The following VAV2 variants were observed in gnomAD, a reference collection of about 807,000 sequenced individuals.
The protein encoded by VAV2 is guanine nucleotide exchange factor VAV2.
Under a neutral mutation model 132.5 loss-of-function variants are expected in VAV2, and 67 were observed. That is an observed-to-expected ratio of 0.51 (90% CI 0.42 to 0.62). The LOEUF is 0.62. VAV2 is among the 20% of genes least tolerant of loss of function. The pLI is 0.00. For missense variants in VAV2, 938 were observed against 1,153.6 expected (o/e 0.81, Z 2.71); for synonymous variants, 492 against 443.5 (o/e 1.11, Z -1.37).
chr9:133,777,964 C>G (rs528679950), intron 22 of VAV2, among the ~76,000 whole-genome samples: 1 of 152,134 alleles, frequency 6.6e-6, no homozygotes, highest in African/African-American at 2.4e-5. Flanking sequence ...TAAGTGCCCT[C>G]GAGGCCCCGT....
chr9:133,933,686 T>TGATG (rs1361044805), intron 2 of VAV2, among the ~76,000 whole-genome samples: 4 of 9,096 alleles, frequency 4.4e-4, no homozygotes, highest in Admixed American at 3.5e-3. Context: ...GATAGATGAA[T>TGATG]GATGGATGGA....
intron 1 of VAV2, among the ~76,000 whole-genome samples, chr9:133,985,266 GTGTGTGTGTTTTGTTTTTGT>G (rs1842822573): frequency 7.0e-6 from 1 of 142,766 alleles, no homozygotes; most frequent in Non-Finnish European, 1.5e-5. Context: ...GTGTGTGTGT[GTGTGTGTGTTTTGTTTTTGT>G]TTTTGTTTTT....
At chr9:133,938,254 C>T (rs1016798394) in intron 2 of VAV2, among the ~76,000 whole-genome samples, 1 of 152,266 alleles carries the variant, frequency 6.6e-6, no homozygotes, top group African/African-American at 2.4e-5. Flanking sequence ...AGCCCAACAG[C>T]AGGCGGGGGC....
intron 2 of VAV2, among the ~76,000 whole-genome samples, chr9:133,875,684 G>A (rs369178211): frequency 2.0e-5 from 3 of 152,326 alleles, no homozygotes; most frequent in East Asian, 3.9e-4. Context: ...AAACACCGCA[G>A]GAACACACGC....
intron 2 of VAV2, among the ~76,000 whole-genome samples, chr9:133,895,751 A>T (rs1839173796): frequency 6.6e-6 from 1 of 151,908 alleles, no homozygotes; most frequent in African/African-American, 2.4e-5. Context: ...TACACTGAAA[A>T]CCCCTGCACT....
intron 10 of VAV2, among the ~76,000 whole-genome samples, chr9:133,796,781 G>A (rs1321636196): frequency 3.3e-5 from 5 of 152,232 alleles, no homozygotes; most frequent in South Asian, 4.1e-4. Context: ...GCGATGCTAC[G>A]GAAACCCTCT....
rs1835054088 is a variant in VAV2 at position 133,804,359 on chromosome 9, T to C, written c.836+1722A>G. On this transcript the variant is annotated intron_variant, in intron 9 of 29. Coordinates refer to ENST00000371850, the MANE Select transcript of VAV2 (RefSeq NM_001134398.2). This position sits in a 1 kb window ranked among gnomAD's most constrained non-coding sequence, Gnocchi z 4.5. ...GGACGGAGCTGCCCGTCCACAGAGC[T>C]CTTGGGCTGGGCCTGTGACTGGACG... Among the ~76,000 whole-genome samples, 2 of 152,110 alleles carry C rather than the reference T, an allele frequency of 1.3e-5. No individual in the cohort carries two copies. The highest frequency in any genetic ancestry group is 4.1e-4 in the South Asian group (2 of 4,826).
intron 1 of VAV2, among the ~76,000 whole-genome samples, chr9:133,948,705 C>T (rs530821571): frequency 1.4e-4 from 22 of 152,378 alleles, no homozygotes; most frequent in Non-Finnish European, 2.6e-4. Context: ...GCTAAAACAA[C>T]GTCCGGTGGC....
Position 133,860,256 on chromosome 9 carries a change from C to T in VAV2, c.380+1118G>A, listed in dbSNP as rs12553323. Among the ~76,000 whole-genome samples the T allele has an allele frequency of 8.3e-3, 1,253 of 151,476 alleles. 36 individuals are homozygous for T. Among genetic ancestry groups the T allele is most frequent in the Admixed American group, 0.053 (804 of 15,230 alleles). ...GACGGAGGTTGCAGTGAGCCGAGAT[C>T]GCGCCACTGCACTCCAGCCTGAGTG... On this transcript the variant is annotated intron_variant, in intron 3 of 29. Transcript: ENST00000371850.
At chr9:133,791,682 G>T in intron 13 of VAV2, 101 bp downstream of exon 13, 2 of 1,019,168 alleles carry the variant, frequency 2.0e-6, no homozygotes, top group Non-Finnish European at 3.1e-6. Context: ...CAGCCATGGT[G>T]TGGCTGCCCA....
intron 1 of VAV2, among the ~76,000 whole-genome samples, chr9:133,984,568 A>G (rs546522667): frequency 1.3e-5 from 2 of 152,290 alleles, no homozygotes; most frequent in African/African-American, 2.4e-5. Flanking sequence ...AGCCATGATC[A>G]CACCACTGCT....
chr9:133,958,772 G>A (rs1841874180), intron 1 of VAV2, among the ~76,000 whole-genome samples: 1 of 152,236 alleles, frequency 6.6e-6, no homozygotes, highest in Non-Finnish European at 1.5e-5. Flanking sequence ...GCAGAGCACA[G>A]CTCCATCACC....
At chr9:133,796,360 G>A in intron 11 of VAV2, 69 bp downstream of exon 11, 1 of 1,392,284 alleles carries the variant, frequency 7.2e-7, no homozygotes. Context: ...TATACCCCCT[G>A]GAAGCTGCCA....
intron 6 of VAV2, 68 bp from the exon 7 acceptor site, chr9:133,809,206 C>T (rs375508711): frequency 3.0e-6 from 4 of 1,353,914 alleles, no homozygotes; most frequent in African/African-American, 1.4e-5. Context: ...CACATCTGCA[C>T]CGCGACACCC....
chr9:133,780,055 G>T, intron 20 of VAV2, 116 bp from the exon 21 acceptor site: 1 of 1,407,148 alleles, frequency 7.1e-7, no homozygotes, highest in Non-Finnish European at 9.9e-7. Context: ...GAGGGGTCAA[G>T]GCAGGAGCAG....
Position 133,861,386 on chromosome 9 carries a change from T to C in VAV2, c.368A>G (p.Asn123Ser), listed in dbSNP as rs552496774. 7.4e-6 allele frequency: 12 copies of C among 1,613,310 alleles called. No individual in the cohort carries two copies. Among genetic ancestry groups the C allele is most frequent in the Admixed American group, 1.7e-5 (1 of 59,970 alleles). Reference sequence around the variant, plus strand: ...CCGGAGAGCTCACCTGATCCCTTTGTTCTGCGCGATGCTGTGCAGGGAGAG... The same window carrying C: ...CCGGAGAGCTCACCTGATCCCTTTGCTCTGCGCGATGCTGTGCAGGGAGAG... ...SRLSLHSIAQNKGIRPFPSEE... is the reference protein window; with the variant it reads ...SRLSLHSIAQSKGIRPFPSEE... The change falls in exon 3 of 30, where the codon AAC becomes AGC. Residue 123 changes from asparagine (N) to serine (S), a missense_variant. By Grantham distance (46) the Asn-to-Ser change is conservative. Transcript: ENST00000371850.
At position 133,846,271 on chromosome 9, in the gene VAV2, GACCAC is replaced by G. The variant is rs553247516; in HGVS notation, c.381-11936_381-11932del. ...CAGCCCTGGGTCATCGCAAGGGACT[GACCAC>G]ACCAAAGGGCCTGGGTGTCACCCCT... On this transcript the variant is annotated intron_variant, in intron 3 of 29. Transcript: ENST00000371850. Among the ~76,000 whole-genome samples the G allele has an allele frequency of 2.1e-3, 324 of 152,282 alleles. 2 individuals carry two copies. The highest frequency in any genetic ancestry group is 7.4e-3 in the African/African-American group (309 of 41,554).
chr9:133,907,249 C>G (rs1395235893), intron 2 of VAV2, among the ~76,000 whole-genome samples: 1 of 152,196 alleles, frequency 6.6e-6, no homozygotes, highest in Non-Finnish European at 1.5e-5. Context: ...CCATCGAACC[C>G]AGCAAGCCCT....
At chr9:133,970,430 G>A (rs1228538951) in intron 1 of VAV2, among the ~76,000 whole-genome samples, 3 of 152,162 alleles carry the variant, frequency 2.0e-5, no homozygotes, top group East Asian at 1.9e-4. Flanking sequence ...CGAGGCTCAC[G>A]GGACCTCACC....
Sources: gnomAD v4.1 joint callset for allele counts (sites outside exome capture counted in the v4.1 genomes callset) on GRCh38, gnomAD v4.1.1 for gene constraint, Gnocchi (gnomAD v3.1) non-coding constraint, MANE v1.5 for transcripts, NCBI Gene and HGNC (gene_info 2026-07-23, HGNC 2026-07-21) for gene names.